GTF2A1L: variants seen among roughly 807,000 people sequenced by gnomAD.
The protein encoded by GTF2A1L is general transcription factor IIA subunit 1 like.
A neutral mutation model predicts 49.7 loss-of-function variants in GTF2A1L; 48 were observed. The observed-to-expected ratio is 0.97, with a 90% CI of 0.77 to 1.23. The LOEUF is 1.23. GTF2A1L is among the 50% of genes most tolerant of loss of function. The probability of loss-of-function intolerance (pLI) is 0.00; values close to 1 mark genes in which losing one functional copy is unlikely to be tolerated. For missense variants in GTF2A1L, 736 were observed against 564.8 expected (o/e 1.30, Z -3.07); for synonymous variants, 246 against 193.5 (o/e 1.27, Z -2.25).
chr2:48,622,186 C>G (rs1676038290), intron 3 of GTF2A1L, among the ~76,000 whole-genome samples: 1 of 152,156 alleles, frequency 6.6e-6, no homozygotes, highest in Non-Finnish European at 1.5e-5. Flanking sequence ...GATGCTTGTA[C>G]TTCTTCTATT....
chr2:48,619,683 C>T (rs1209865995), intron 1 of GTF2A1L, among the ~76,000 whole-genome samples: 2 of 152,086 alleles, frequency 1.3e-5, no homozygotes, highest in African/African-American at 4.8e-5. Context: ...CTGTTTCTTG[C>T]CGGTGGAACT....
chr2:48,673,359 CT>C (rs34493140), intron 8 of GTF2A1L, among the ~76,000 whole-genome samples: 18,612 of 109,110 alleles, frequency 0.17, 868 homozygotes, highest in African/African-American at 0.29. Flanking sequence ...ACACAGGAAA[CT>C]TTTTTTTTTT....
At chr2:48,621,864 T>C (rs1032653570) in intron 3 of GTF2A1L, among the ~76,000 whole-genome samples, 6 of 152,236 alleles carry the variant, frequency 3.9e-5, no homozygotes, top group Non-Finnish European at 8.8e-5. Context: ...GTCCACATTA[T>C]GCGTATCAAT....
chr2:48,653,006 G>A lies in GTF2A1L; in HGVS notation c.978+5964G>A, dbSNP rs547832626. ...GCACTTTGGGAGGCTGAGGCGGGTG[G>A]ATCACAAGGTCAGGAGATCAAGATC... On this transcript the variant is annotated intron_variant, in intron 6 of 8. Transcript: ENST00000403751. Among the ~76,000 whole-genome samples the A allele has an allele frequency of 9.9e-4, 151 of 151,958 alleles. 3 individuals are homozygous for A. Among genetic ancestry groups the A allele is most frequent in the South Asian group, 4.8e-3 (23 of 4,812 alleles).
At chr2:48,629,118 G>A (rs1457012316) in intron 3 of GTF2A1L, among the ~76,000 whole-genome samples, 1 of 142,944 alleles carries the variant, frequency 7.0e-6, no homozygotes, top group Non-Finnish European at 1.6e-5. Flanking sequence ...GTGCGTGCCT[G>A]TAATCCCAGC....
Position 48,628,221 on chromosome 2 carries a change from T to C in GTF2A1L, c.247+6931T>C, listed in dbSNP as rs567429852. 8.3e-5 allele frequency among the ~76,000 whole-genome samples: 12 copies of C among 144,182 alleles called. 2 individuals are homozygous for C. Among genetic ancestry groups the C allele is most frequent in the Non-Finnish European group, 1.9e-4 (12 of 63,944 alleles). The allele number at this position is 144,182 out of a possible 152,430, so 94.6% of individuals were successfully genotyped here. A position where few individuals can be genotyped will look rare whatever the true frequency, so the allele number is the denominator to read the frequency against. ...TGTGTCATTTTGGTAGAAAGATTTC[T>C]TTCTTTTGGATATATAGCCAATAAT... On this transcript the variant is annotated intron_variant, in intron 3 of 8. Transcript: ENST00000403751.
intron 8 of GTF2A1L, among the ~76,000 whole-genome samples, chr2:48,673,579 G>C (rs766479416): frequency 6.6e-6 from 1 of 151,908 alleles, no homozygotes. Context: ...AGCCAGGATG[G>C]TCTGGATCTG....
At chr2:48,650,821 C>G (rs987789113) in intron 6 of GTF2A1L, among the ~76,000 whole-genome samples, 2 of 152,196 alleles carry the variant, frequency 1.3e-5, no homozygotes, top group Non-Finnish European at 2.9e-5. Context: ...CATTGTTACT[C>G]TATTGTAATA....
Position 48,671,657 on chromosome 2 carries a change from GT to G in GTF2A1L, c.1308del (p.Ile437LeufsTer19). The G allele has an allele frequency of 6.2e-7, 1 of 1,613,548 alleles. No individual in the cohort carries two copies. Among genetic ancestry groups the G allele is most frequent in the Non-Finnish European group, 8.5e-7 (1 of 1,179,642 alleles). The stretch of plus-strand genomic sequence containing the variant: ...GCCAGACCTGTTTGACACGGATAAT[GT>G]TATTGTCTGTCAGTATGATAAGGTA... ...DVPDLFDTDN[V>X]IVCQYDKIHR... On this transcript the variant is annotated frameshift_variant, in exon 8 of 9. Coordinates refer to ENST00000403751, the MANE Select transcript of GTF2A1L (RefSeq NM_006872.5). LOFTEE classifies it high-confidence loss of function.
chr2:48,631,313 G>C (rs1286096465), intron 3 of GTF2A1L, among the ~76,000 whole-genome samples: 1 of 152,086 alleles, frequency 6.6e-6, no homozygotes, highest in Non-Finnish European at 1.5e-5. Flanking sequence ...CTCGATATTG[G>C]TCTGTTCAGA....
chr2:48,619,484 A>T (rs1675855674), intron 1 of GTF2A1L, among the ~76,000 whole-genome samples: 1 of 134,778 alleles, frequency 7.4e-6, no homozygotes, highest in African/African-American at 2.7e-5. Context: ...AAAAAAAAAT[A>T]ATAATAATAA....
At chr2:48,654,638 C>T (rs951708937) in intron 6 of GTF2A1L, among the ~76,000 whole-genome samples, 2 of 152,162 alleles carry the variant, frequency 1.3e-5, no homozygotes, top group Non-Finnish European at 2.9e-5. Context: ...CCTGCCTCAG[C>T]CTCTCAAAGT....
chr2:48,675,190 G>A (rs887474736), intron 8 of GTF2A1L, among the ~76,000 whole-genome samples: 8 of 152,092 alleles, frequency 5.3e-5, no homozygotes, highest in Non-Finnish European at 8.8e-5. Context: ...GGCTTAGCAC[G>A]CTTTTGTTAT....
At chr2:48,629,952 C>T (rs927549068) in intron 3 of GTF2A1L, among the ~76,000 whole-genome samples, 1 of 143,526 alleles carries the variant, frequency 7.0e-6, no homozygotes, top group Non-Finnish European at 1.6e-5. Flanking sequence ...TTTCTGAGTT[C>T]TCTATTCTGT....
intron 6 of GTF2A1L, among the ~76,000 whole-genome samples, chr2:48,651,355 G>C (rs777058607): frequency 2.9e-4 from 44 of 151,612 alleles, no homozygotes; most frequent in Non-Finnish European, 5.6e-4. Flanking sequence ...AAAAATACCA[G>C]TGTTTCTTAG....
intron 3 of GTF2A1L, among the ~76,000 whole-genome samples, chr2:48,638,988 C>T (rs1677056517): frequency 6.6e-6 from 1 of 151,964 alleles, no homozygotes; most frequent in South Asian, 2.1e-4. Flanking sequence ...AGCAATACAG[C>T]TAACCAGGGA....
At chr2:48,677,561 T>C (rs1679538503) in intron 8 of GTF2A1L, among the ~76,000 whole-genome samples, 1 of 151,964 alleles carries the variant, frequency 6.6e-6, no homozygotes, top group Non-Finnish European at 1.5e-5. Flanking sequence ...AGTTTTTGGA[T>C]GGGAAGTCAT....
intron 6 of GTF2A1L, among the ~76,000 whole-genome samples, chr2:48,649,778 G>T (rs1330789846): frequency 6.6e-6 from 1 of 151,854 alleles, no homozygotes; most frequent in Admixed American, 6.6e-5. Flanking sequence ...TAAACTTCAG[G>T]CACCTTAATA....
At chr2:48,652,276 A>G (rs967402505) in intron 6 of GTF2A1L, among the ~76,000 whole-genome samples, 1 of 152,076 alleles carries the variant, frequency 6.6e-6, no homozygotes, top group African/African-American at 2.4e-5. Flanking sequence ...TCATTTTTCA[A>G]CAGAAGATCT....
Sources: gnomAD v4.1 joint callset for allele counts (sites outside exome capture counted in the v4.1 genomes callset) on GRCh38, gnomAD v4.1.1 for gene constraint, MANE v1.5 for transcripts, NCBI Gene and HGNC (gene_info 2026-07-23, HGNC 2026-07-21) for gene names.